The following PCDH15 variants were observed in gnomAD, a reference collection of about 807,000 sequenced individuals.
PCDH15 encodes the protein protocadherin related 15, also known as protocadherin-15.
A neutral mutation model predicts 178.5 loss-of-function variants in PCDH15; 129 were observed. The ratio of observed to expected loss-of-function variants is 0.72; its 90% CI spans 0.63 to 0.84. The LOEUF (loss-of-function observed/expected upper bound fraction) is 0.84. Ranked by LOEUF, PCDH15 falls within the 40% of genes least tolerant of loss-of-function variation. The probability of loss-of-function intolerance (pLI) is 0.00; values close to 1 mark genes in which losing one functional copy is unlikely to be tolerated. For synonymous variants in PCDH15, 800 were observed against 732.0 expected (o/e 1.09, Z -1.50); for missense variants, 2,230 against 2,099.9 (o/e 1.06, Z -1.21).
chr10:55,136,194 A>G (rs1488859778), intron 2 of PCDH15, among the ~76,000 whole-genome samples: 2 of 152,128 alleles, frequency 1.3e-5, no homozygotes, highest in African/African-American at 2.4e-5. Context: ...GTAAAGATTC[A>G]CCATGCTGTA....
intron 2 of PCDH15, among the ~76,000 whole-genome samples, chr10:54,537,061 C>T (rs1264857657): frequency 3.1e-5 from 4 of 129,410 alleles, no homozygotes; most frequent in Non-Finnish European, 6.1e-5. Context: ...TGCAGTGGTG[C>T]GATCTCAGCT....
chr10:54,942,066 A>G (rs1304469), intron 2 of PCDH15, among the ~76,000 whole-genome samples: 20,411 of 152,070 alleles, frequency 0.13, 1,563 homozygotes, highest in East Asian at 0.23. Flanking sequence ...ATATAGTCCA[A>G]TCAGAATAGG....
intron 26 of PCDH15, among the ~76,000 whole-genome samples, chr10:53,888,304 ATATATG>A (rs1554845198): frequency 2.2e-5 from 2 of 88,976 alleles, no homozygotes; most frequent in Admixed American, 1.2e-4. Flanking sequence ...ATATATATAT[ATATATG>A]TATATATGTA....
At chr10:54,117,326 T>A (rs1397832871) in intron 15 of PCDH15, among the ~76,000 whole-genome samples, 2 of 152,004 alleles carry the variant, frequency 1.3e-5, no homozygotes, top group African/African-American at 2.4e-5. Context: ...GGCACCTGCA[T>A]CTGGATGAGG....
intron 2 of PCDH15, among the ~76,000 whole-genome samples, chr10:55,450,582 T>A (rs972801059): frequency 1.3e-5 from 2 of 151,604 alleles, no homozygotes; most frequent in African/African-American, 4.8e-5. Context: ...TGTTGTACAA[T>A]TTTTTTTTAC....
chr10:55,049,269 G>T (rs1325752338), intron 2 of PCDH15, among the ~76,000 whole-genome samples: 3 of 151,848 alleles, frequency 2.0e-5, no homozygotes, highest in Admixed American at 2.0e-4. Flanking sequence ...GGGGCATTAG[G>T]TTATTGGGCC....
chr10:55,606,888 T>C (rs1359013012), intron 2 of PCDH15, among the ~76,000 whole-genome samples: 3 of 145,802 alleles, frequency 2.1e-5, no homozygotes, highest in African/African-American at 7.6e-5. Context: ...AAAGCCAAAA[T>C]TGACAAATGG....
chr10:54,158,987 A>G (rs754236786), intron 13 of PCDH15, among the ~76,000 whole-genome samples: 2 of 151,754 alleles, frequency 1.3e-5, no homozygotes, highest in Non-Finnish European at 2.9e-5. Context: ...GAGCACATGT[A>G]GTCCCAGTGT....
At chr10:55,155,214 G>A (rs2132105986) in intron 2 of PCDH15, among the ~76,000 whole-genome samples, 1 of 152,208 alleles carries the variant, frequency 6.6e-6, no homozygotes, top group Admixed American at 6.6e-5. Context: ...CTAAATGTTA[G>A]CAGCAGTTAC....
chr10:55,599,985 G>T, intron 2 of PCDH15: 1 of 1,452,056 alleles, frequency 6.9e-7, no homozygotes, highest in Non-Finnish European at 9.1e-7. Flanking sequence ...ATAAATAGGA[G>T]AAGACCCTGT....
At chr10:55,417,495 T>G (rs1490739553) in intron 2 of PCDH15, among the ~76,000 whole-genome samples, 4 of 151,642 alleles carry the variant, frequency 2.6e-5, no homozygotes, top group Non-Finnish European at 1.5e-5. Context: ...CTCATGTGTA[T>G]TCTATAATAC....
At chr10:54,657,726 C>A (rs1447176298) in intron 2 of PCDH15, among the ~76,000 whole-genome samples, 1 of 151,962 alleles carries the variant, frequency 6.6e-6, no homozygotes, top group Non-Finnish European at 1.5e-5. Context: ...ATAGAAAATT[C>A]AAAAATAAGA....
intron 25 of PCDH15, among the ~76,000 whole-genome samples, chr10:53,911,239 C>G (rs1024871534): frequency 1.3e-5 from 2 of 152,246 alleles, no homozygotes; most frequent in African/African-American, 4.8e-5. Flanking sequence ...TGTAAAAGAA[C>G]AGAAATCACA....
intron 1 of PCDH15, among the ~76,000 whole-genome samples, chr10:54,699,176 T>C (rs2095274560): frequency 6.6e-6 from 1 of 152,136 alleles, no homozygotes; most frequent in Non-Finnish European, 1.5e-5. Flanking sequence ...ACCTTAATGA[T>C]ATTTCAAAGT....
chr10:54,406,556 A>G (rs1952690028), intron 3 of PCDH15, among the ~76,000 whole-genome samples: 1 of 152,132 alleles, frequency 6.6e-6, no homozygotes, highest in Non-Finnish European at 1.5e-5. Flanking sequence ...TGTGAGCCAC[A>G]TAAAAACAGC....
intron 2 of PCDH15, among the ~76,000 whole-genome samples, chr10:54,907,088 A>C (rs952893369): frequency 6.6e-6 from 1 of 152,192 alleles, no homozygotes; most frequent in African/African-American, 2.4e-5. Flanking sequence ...TCACAGAGAA[A>C]AGGAAAGAGA....
At chr10:54,192,560 T>A (rs2133891305) in intron 11 of PCDH15, among the ~76,000 whole-genome samples, 1 of 152,234 alleles carries the variant, frequency 6.6e-6, no homozygotes, top group Admixed American at 6.5e-5. Flanking sequence ...TTCTGGGAAA[T>A]GGGTTTTAGG....
intron 1 of PCDH15, among the ~76,000 whole-genome samples, chr10:54,737,881 A>G (rs1944316582): frequency 6.6e-6 from 1 of 152,110 alleles, no homozygotes; most frequent in Non-Finnish European, 1.5e-5. Flanking sequence ...GTCACAAAGC[A>G]AAATAAATAT....
At chr10:53,859,997 C>G (rs1473957744) in intron 27 of PCDH15, among the ~76,000 whole-genome samples, 2 of 152,114 alleles carry the variant, frequency 1.3e-5, no homozygotes, top group Non-Finnish European at 2.9e-5. Context: ...TTGGCCTGGA[C>G]AATTCCATAT....
Sources: allele counts gnomAD v4.1 joint callset (sites outside exome capture counted in the v4.1 genomes callset), GRCh38; gene constraint gnomAD v4.1.1; transcripts MANE v1.5; gene names NCBI Gene and HGNC (gene_info 2026-07-23, HGNC 2026-07-21).